ACVR2A: variants seen among roughly 807,000 people sequenced by gnomAD.
ACVR2A encodes the protein activin receptor type-2A.
In ACVR2A, 7 loss-of-function variants were observed where a neutral mutation model predicts 61.4. That is an observed-to-expected ratio of 0.11 (90% confidence interval 0.06 to 0.21). The LOEUF is 0.21. Ranked by LOEUF, ACVR2A falls within the 10% of genes least tolerant of loss-of-function variation. The pLI, the probability that ACVR2A is intolerant of heterozygous loss-of-function variation, is 1.00. For missense variants in ACVR2A, 322 were observed against 621.7 expected (o/e 0.52, Z 5.13); for synonymous variants, 193 against 208.3 (o/e 0.93, Z 0.63).
chr2:147,887,757 C>T (rs1168988948), intron 1 of ACVR2A, among the ~76,000 whole-genome samples: 1 of 152,012 alleles, frequency 6.6e-6, no homozygotes, highest in Admixed American at 6.6e-5. Context: ...AATCTAACCC[C>T]AATGGAATTC....
At chr2:147,898,899 CTAAAAA>C (rs1686808305) in intron 2 of ACVR2A, among the ~76,000 whole-genome samples, 1 of 152,062 alleles carries the variant, frequency 6.6e-6, no homozygotes, top group South Asian at 2.1e-4. Context: ...AATCTACACT[CTAAAAA>C]ACAGTGACAG....
chr2:147,857,092 A>G (rs933606786), intron 1 of ACVR2A, among the ~76,000 whole-genome samples: 1 of 152,194 alleles, frequency 6.6e-6, no homozygotes, highest in Non-Finnish European at 1.5e-5. Flanking sequence ...CTTAGGAAGA[A>G]TAAACTACTC....
intron 4 of ACVR2A, among the ~76,000 whole-genome samples, chr2:147,909,297 C>T (rs995117819): frequency 7.9e-5 from 12 of 152,128 alleles, no homozygotes; most frequent in Admixed American, 6.6e-5. Flanking sequence ...TTGATTAGTC[C>T]TTCTGTCCTG....
intron 9 of ACVR2A, chr2:147,925,811 T>C (rs1046695961): frequency 2.2e-6 from 1 of 459,704 alleles, no homozygotes; most frequent in Admixed American, 3.8e-5. Flanking sequence ...ATGCAATCTT[T>C]AAGGGAATTA....
chr2:147,927,069 T>G lies in ACVR2A; in HGVS notation c.1348-11T>G. 2 of 1,608,258 alleles carry G rather than the reference T, an allele frequency of 1.2e-6. No individual in the cohort carries two copies. The highest frequency in any genetic ancestry group is 1.7e-6 in the Non-Finnish European group (2 of 1,177,518). On this transcript the variant is annotated splice_polypyrimidine_tract_variant and intron_variant, in intron 10 of 10. Transcript: ENST00000241416. ...GCTGTGGCGTTTGAGTATATGTTTT[T>G]CTCCTTTTAGGGAATGGCAATGCTC...
At chr2:147,869,407 C>T (rs1685955551) in intron 1 of ACVR2A, among the ~76,000 whole-genome samples, 1 of 152,250 alleles carries the variant, frequency 6.6e-6, no homozygotes, top group East Asian at 1.9e-4. Flanking sequence ...GATTGCAAGA[C>T]CCTCGCAGTT....
chr2:147,848,398 CA>C (rs1164914140), intron 1 of ACVR2A, among the ~76,000 whole-genome samples: 1 of 152,118 alleles, frequency 6.6e-6, no homozygotes, highest in Non-Finnish European at 1.5e-5. Flanking sequence ...CATTTGGAGA[CA>C]TTTTTGGTTG....
At chr2:147,853,209 CAT>C (rs892580420) in intron 1 of ACVR2A, among the ~76,000 whole-genome samples, 5 of 151,992 alleles carry the variant, frequency 3.3e-5, no homozygotes, top group African/African-American at 1.2e-4. Flanking sequence ...GAAATAAAGA[CAT>C]GTATTTGGAA....
intron 1 of ACVR2A, among the ~76,000 whole-genome samples, chr2:147,856,843 G>A (rs1255206224): frequency 6.6e-6 from 1 of 151,952 alleles, no homozygotes; most frequent in Non-Finnish European, 1.5e-5. Flanking sequence ...AATCTTTCTT[G>A]GTAATCTTTA....
chr2:147,908,472 T>G (rs1687041902), intron 4 of ACVR2A, among the ~76,000 whole-genome samples: 2 of 152,148 alleles, frequency 1.3e-5, no homozygotes. Flanking sequence ...CTGTAGGAAG[T>G]AGGAATTATC....
intron 1 of ACVR2A, among the ~76,000 whole-genome samples, chr2:147,866,903 A>C (rs1291953335): frequency 1.3e-5 from 2 of 152,188 alleles, no homozygotes; most frequent in African/African-American, 4.8e-5. Flanking sequence ...AACTAGGCAG[A>C]ATGAGGAATG....
intron 1 of ACVR2A, 142 bp from the exon 2 acceptor site, chr2:147,896,159 C>T: frequency 1.5e-6 from 1 of 649,532 alleles, no homozygotes; most frequent in East Asian, 2.8e-5. Flanking sequence ...CAGGGATTAA[C>T]CTGGAAACCT....
chr2:147,851,502 C>G (rs1685449594), intron 1 of ACVR2A, among the ~76,000 whole-genome samples: 1 of 152,080 alleles, frequency 6.6e-6, no homozygotes, highest in Non-Finnish European at 1.5e-5. Context: ...TCCATACAGA[C>G]TTGACTTGCA....
At chr2:147,884,589 C>A (rs891109595) in intron 1 of ACVR2A, among the ~76,000 whole-genome samples, 12 of 152,090 alleles carry the variant, frequency 7.9e-5, no homozygotes, top group African/African-American at 2.4e-4. Flanking sequence ...TTTGTTTTCT[C>A]AGAAGTTTAT....
At chr2:147,858,190 T>C (rs2105140938) in intron 1 of ACVR2A, among the ~76,000 whole-genome samples, 1 of 152,338 alleles carries the variant, frequency 6.6e-6, no homozygotes, top group Non-Finnish European at 1.5e-5. Context: ...TCTTCTCTCC[T>C]ACCTTTTGCT....
intron 1 of ACVR2A, among the ~76,000 whole-genome samples, chr2:147,867,827 A>G (rs1376916018): frequency 1.3e-5 from 2 of 151,944 alleles, no homozygotes; most frequent in Non-Finnish European, 2.9e-5. Context: ...ATTTCCTGCC[A>G]CTCACTGCCT....
At position 147,920,215 on chromosome 2, in the gene ACVR2A, CTT is replaced by C; in HGVS notation, c.963-11_963-10del. On this transcript the variant is annotated splice_polypyrimidine_tract_variant and intron_variant, in intron 7 of 10. Coordinates refer to ENST00000241416, the MANE Select transcript of ACVR2A (RefSeq NM_001616.5). ...CTAGTTTAAACTTAATTTGAATACT[CTT>C]TTTATTTGCAAGGGACATCAAAAGT... 1.9e-6 allele frequency: 3 copies of C among 1,582,258 alleles called. No homozygotes were observed. The highest frequency in any genetic ancestry group is 8.7e-7 in the Non-Finnish European group (1 of 1,153,494).
At chr2:147,921,158 T>C (rs937466125) in intron 8 of ACVR2A, among the ~76,000 whole-genome samples, 1 of 152,068 alleles carries the variant, frequency 6.6e-6, no homozygotes, top group Non-Finnish European at 1.5e-5. Flanking sequence ...CTCAGCTTCC[T>C]GAGTAGCTGG....
chr2:147,890,892 G>C (rs1439493743), intron 1 of ACVR2A, among the ~76,000 whole-genome samples: 1 of 152,050 alleles, frequency 6.6e-6, no homozygotes, highest in South Asian at 2.1e-4. Flanking sequence ...TTGAGGAGGG[G>C]TGGGAAAATT....
Sources: allele counts gnomAD v4.1 joint callset (sites outside exome capture counted in the v4.1 genomes callset), GRCh38; gene constraint gnomAD v4.1.1; transcripts MANE v1.5; gene names NCBI Gene and HGNC (gene_info 2026-07-23, HGNC 2026-07-21).